Variants in AFDN observed in about 807,000 individuals in gnomAD.
The protein encoded by AFDN is afadin.
A neutral mutation model predicts 216.6 loss-of-function variants in AFDN; 68 were observed. That is an observed-to-expected ratio of 0.31 (90% CI 0.26 to 0.38). AFDN has a LOEUF of 0.38. Among genes scored for constraint, AFDN ranks in the 10% least tolerant of loss-of-function variants. The pLI is 1.00. For synonymous variants in AFDN, 868 were observed against 853.7 expected, an observed-to-expected ratio of 1.02 and a Z score of -0.29; for missense variants, 2,136 against 2,342.0, an observed-to-expected ratio of 0.91 and a Z score of 1.82.
intron 23 of AFDN, among the ~76,000 whole-genome samples, chr6:167,939,558 C>T (rs73034984): frequency 0.021 from 3,172 of 152,310 alleles, 58 homozygotes; most frequent in Non-Finnish European, 0.033. Flanking sequence ...AGCTCCCAAA[C>T]GGCAAAGGTG....
chr6:167,902,954 G>A (rs1186706381), intron 12 of AFDN, among the ~76,000 whole-genome samples: 3 of 152,204 alleles, frequency 2.0e-5, no homozygotes, highest in Non-Finnish European at 4.4e-5. Context: ...TCTAAGGCCA[G>A]GTTGAAGCAG....
Position 167,911,294 on chromosome 6 carries a change from A to C in AFDN, c.1842A>C (p.Ser614=). 6.2e-7 allele frequency: 1 copy of C among 1,613,428 alleles called. No homozygotes were observed. The highest frequency in any genetic ancestry group is 1.1e-5 in the South Asian group (1 of 91,000). Residue 614 remains serine, a synonymous_variant, in exon 15 of 34, where the codon TCA becomes TCC. Transcript: ENST00000683244. ...GAAATCTTTCCACAGCTGAAGATTC[A>C]TTTTTGTCTGCCATTATAAATTATA... is the stretch of plus-strand genomic sequence containing the variant. ...SIEFRESSED[S]FLSAIINYTN... is the part of the protein sequence containing the mutation.
intron 2 of AFDN, among the ~76,000 whole-genome samples, chr6:167,866,293 C>G (rs1430857620): frequency 1.3e-5 from 2 of 152,100 alleles, no homozygotes; most frequent in African/African-American, 4.8e-5. Flanking sequence ...TTCCCCACTC[C>G]CTCAGGTACC....
Position 167,945,082 on chromosome 6 carries a change from C to A in AFDN, c.3358+1023C>A, listed in dbSNP as rs558030384. ...ACCTTTTGACTCTTTTGTAGTAACACTTGGCTTAAAACACAAACATGTTGT... is the reference window on the plus strand; with the variant it reads ...ACCTTTTGACTCTTTTGTAGTAACAATTGGCTTAAAACACAAACATGTTGT... On this transcript the variant is annotated intron_variant, in intron 26 of 33. Coordinates refer to ENST00000683244, the MANE Select transcript of AFDN (RefSeq NM_001386888.1). 3.3e-5 allele frequency among the ~76,000 whole-genome samples: 5 copies of A among 152,116 alleles called. No individual in the cohort carries two copies. The East Asian group carries it at 9.6e-4, about 29-fold the overall frequency.
At chr6:167,916,505 G>A (rs2128475150) in intron 19 of AFDN, among the ~76,000 whole-genome samples, 1 of 152,300 alleles carries the variant, frequency 6.6e-6, no homozygotes, top group South Asian at 2.1e-4. Context: ...TAAAATGGAT[G>A]ATAATTAACC....
intron 29 of AFDN, among the ~76,000 whole-genome samples, chr6:167,949,456 G>GA (rs982337005): frequency 2.0e-5 from 3 of 152,176 alleles, no homozygotes. Flanking sequence ...TCTGACGGCA[G>GA]AAAATGCTCC....
At chr6:167,922,368 C>T (rs1056713513) in intron 21 of AFDN, among the ~76,000 whole-genome samples, 2 of 152,146 alleles carry the variant, frequency 1.3e-5, no homozygotes, top group African/African-American at 4.8e-5. Flanking sequence ...ATGAGGAGGA[C>T]TCCTAGAATT....
intron 31 of AFDN, chr6:167,963,503 G>T (rs1797240489): frequency 9.5e-7 from 1 of 1,054,454 alleles, no homozygotes; most frequent in Admixed American, 5.5e-5. Flanking sequence ...AAAAGAACTT[G>T]TAGGGAGTTT....
chr6:167,958,469 C>T (rs1339122732), intron 30 of AFDN, among the ~76,000 whole-genome samples: 3 of 152,234 alleles, frequency 2.0e-5, no homozygotes, highest in South Asian at 4.2e-4. Context: ...ACCATTTTCT[C>T]GAAATTTACT....
intron 4 of AFDN, among the ~76,000 whole-genome samples, chr6:167,874,532 G>A (rs1185936047): frequency 6.7e-6 from 1 of 149,978 alleles, no homozygotes; most frequent in Non-Finnish European, 1.5e-5. Flanking sequence ...CTTCAAGAAA[G>A]TTAATGCTTT....
chr6:167,950,392 C>CTGTGTGTGTGTG (rs201112836), intron 29 of AFDN, among the ~76,000 whole-genome samples: 78 of 139,364 alleles, frequency 5.6e-4, no homozygotes, highest in African/African-American at 1.7e-3. Flanking sequence ...TCATTTTTCT[C>CTGTGTGTGTGTG]TGTGTCTGTG....
chr6:167,827,780 G>T (rs571199538), intron 1 of AFDN: 1 of 152,274 alleles, frequency 6.6e-6, no homozygotes, highest in East Asian at 1.9e-4. Context: ...GATGGCACAG[G>T]CCCGGAGTCG....
intron 31 of AFDN, chr6:167,964,967 G>A (rs1172698252): frequency 9.5e-7 from 1 of 1,053,350 alleles, no homozygotes; most frequent in Non-Finnish European, 1.1e-6. Flanking sequence ...AGTTTGTGCA[G>A]ATGTATGTCA....
chr6:167,833,954 C>T (rs1780109996), intron 1 of AFDN, among the ~76,000 whole-genome samples: 1 of 152,062 alleles, frequency 6.6e-6, no homozygotes, highest in Admixed American at 6.5e-5. Flanking sequence ...CCTAGATGCT[C>T]ATACAGTATA....
chr6:167,864,259 T>G, intron 1 of AFDN: 1 of 613,344 alleles, frequency 1.6e-6, no homozygotes, highest in South Asian at 1.4e-5. Context: ...AGTGTCATGG[T>G]GTGCCTACCA....
chr6:167,874,820 G>C (rs994938730), intron 4 of AFDN, among the ~76,000 whole-genome samples: 1 of 151,906 alleles, frequency 6.6e-6, no homozygotes, highest in African/African-American at 2.4e-5. Flanking sequence ...TCTCCATGTT[G>C]GTCAGGCCGG....
chr6:167,925,384 C>A (rs1412884668), intron 23 of AFDN, among the ~76,000 whole-genome samples: 6 of 152,270 alleles, frequency 3.9e-5, no homozygotes, highest in Middle Eastern at 6.8e-3. Flanking sequence ...AAACTTGATT[C>A]GCACAGTGAG....
At chr6:167,868,585 A>G (rs567242287) in intron 2 of AFDN, among the ~76,000 whole-genome samples, 1 of 152,238 alleles carries the variant, frequency 6.6e-6, no homozygotes, top group East Asian at 1.9e-4. Flanking sequence ...TTGAACCAGT[A>G]TTTCTCAGAA....
Position 167,970,042 on chromosome 6 carries a change from GATTTACA to G in AFDN, c.*112_*118del. The stretch of plus-strand genomic sequence containing the variant: ...GAGGAAGGGGGTTATATTTCTAAGT[GATTTACA>G]ATTTCTGTTTCTAAAATTGTTGGGA... On this transcript the variant is annotated 3_prime_UTR_variant, in exon 34 of 34. Coordinates refer to ENST00000683244, the MANE Select transcript of AFDN (RefSeq NM_001386888.1). 1 of 848,286 alleles carries G rather than the reference GATTTACA, an allele frequency of 1.2e-6. No homozygotes were observed. The allele number at this position is 848,286 out of a possible 1,614,324, so 52.5% of individuals were successfully genotyped here.
Sources: gnomAD v4.1 joint callset for allele counts (sites outside exome capture counted in the v4.1 genomes callset) on GRCh38, gnomAD v4.1.1 for gene constraint, MANE v1.5 for transcripts, NCBI Gene and HGNC (gene_info 2026-07-23, HGNC 2026-07-21) for gene names.